The following EBF4 variants were observed in gnomAD, a reference collection of about 807,000 sequenced individuals.
The protein encoded by EBF4 is EBF transcription factor 4.
EBF4 carries 34 observed loss-of-function variants against 67.1 expected under a neutral mutation model. The ratio of observed to expected loss-of-function variants is 0.51; its 90% confidence interval spans 0.39 to 0.67. EBF4 has a LOEUF of 0.67. EBF4 is among the 30% of genes least tolerant of loss of function. EBF4 has a pLI of 0.00. For missense variants in EBF4, 837 were observed against 873.3 expected (o/e 0.96, Z 0.52); for synonymous variants, 387 against 377.7 (o/e 1.02, Z -0.29).
chr20:2,729,494 T>G (rs2087786349), intron 6 of EBF4, among the ~76,000 whole-genome samples: 1 of 152,198 alleles, frequency 6.6e-6, no homozygotes, highest in Non-Finnish European at 1.5e-5. Context: ...TGTCAACTTC[T>G]GCAAGCAGTC....
intron 6 of EBF4, among the ~76,000 whole-genome samples, chr20:2,717,689 TACAA>T (rs757885122): frequency 4.5e-4 from 69 of 152,236 alleles, no homozygotes; most frequent in Non-Finnish European, 6.0e-4. Context: ...AGCCATCTTA[TACAA>T]ACAAATACTG....
rs200337110 is a variant in EBF4 at position 2,708,033 on chromosome 20, T to A, written c.488+13T>A. On this transcript the variant is annotated intron_variant, in intron 5 of 16. Transcript: ENST00000609451. ...AGATCATGTGCAGGTGAGATGGCCA[T>A]GTCACTCACACCTCACCCCTCTGCC... is the stretch of plus-strand genomic sequence containing the variant. 5,885 of 1,602,610 alleles carry A rather than the reference T, an allele frequency of 3.7e-3. 20 individuals carry two copies. Among genetic ancestry groups the A allele is most frequent in the Non-Finnish European group, 4.6e-3 (5,415 of 1,173,706 alleles).
rs1041979263 is a variant in EBF4 at position 2,718,718 on chromosome 20, A to G, written c.557+9076A>G. Among the ~76,000 whole-genome samples, 6 of 152,290 alleles carry G rather than the reference A, an allele frequency of 3.9e-5. No individual in the cohort carries two copies. The East Asian group carries it at 5.8e-4, about 15-fold the overall frequency. On this transcript the variant is annotated intron_variant, in intron 6 of 16. Coordinates refer to ENST00000609451, the Ensembl canonical transcript of EBF4. ...GTTTATCCATTTTATTGAGCTTCTA[A>G]ACAAACCAGCTTTTGGTTTCATTGA...
chr20:2,748,619 C>T (rs748678555), exon 7 of EBF4: 4 of 1,551,526 alleles, frequency 2.6e-6, no homozygotes, highest in South Asian at 1.2e-5. Flanking sequence ...CAGAGACATG[C>T]GCCGCTTCCA....
At position 2,755,603 on chromosome 20, in the gene EBF4, GC is replaced by G; in HGVS notation, c.1541-20del. ...TCCCACCACCTTCCCTGCTGCGCCTGCCCCTCCCCGCCCCGCCCCGGAGTCA... is the reference window on the plus strand; with the variant it reads ...TCCCACCACCTTCCCTGCTGCGCCTGCCCTCCCCGCCCCGCCCCGGAGTCA... On this transcript the variant is annotated intron_variant, in intron 14 of 16. Transcript: ENST00000609451. The surrounding 1 kb of genome is among the most constrained non-coding windows in gnomAD (Gnocchi z 4.7). The G allele has an allele frequency of 9.3e-7, 1 of 1,077,726 alleles. No individual in the cohort carries two copies. Among genetic ancestry groups the G allele is most frequent in the Non-Finnish European group, 1.4e-6 (1 of 723,200 alleles). The allele number at this position is 1,077,726 out of a possible 1,614,324, so 66.8% of individuals were successfully genotyped here.
At chr20:2,752,801 G>A (rs1014825187) in intron 14 of EBF4, among the ~76,000 whole-genome samples, 5 of 152,244 alleles carry the variant, frequency 3.3e-5, no homozygotes, top group African/African-American at 1.2e-4. Context: ...TTGCCGGTCC[G>A]TTATGCACAT....
At chr20:2,711,348 TAGTC>T (rs1213785308) in intron 6 of EBF4, among the ~76,000 whole-genome samples, 2 of 152,198 alleles carry the variant, frequency 1.3e-5, no homozygotes, top group Non-Finnish European at 2.9e-5. Context: ...TTTATTTAAA[TAGTC>T]AGATATTGCT....
chr20:2,737,699 A>G (rs974915978), intron 6 of EBF4, among the ~76,000 whole-genome samples: 6 of 151,700 alleles, frequency 4.0e-5, no homozygotes, highest in Non-Finnish European at 7.4e-5. Flanking sequence ...GGCCGGGCGC[A>G]GTGGCTCACA....
chr20:2,693,798 G>A lies in EBF4; in HGVS notation c.137+16G>A, dbSNP rs2087247444. 3 of 1,275,732 alleles carry A rather than the reference G, an allele frequency of 2.4e-6. No individual in the cohort carries two copies. The highest frequency in any genetic ancestry group is 2.5e-5 in the South Asian group (1 of 40,140). The allele number at this position is 1,275,732 out of a possible 1,614,324, so 79.0% of individuals were successfully genotyped here. On this transcript the variant is annotated intron_variant, in intron 1 of 16. Coordinates refer to ENST00000609451, the Ensembl canonical transcript of EBF4. This position sits in a 1 kb window ranked among gnomAD's most constrained non-coding sequence, Gnocchi z 4.6. Reference sequence around the variant, plus strand: ...CGGCGCAGAGGTAAGCGCTCGGACCGGACCCGGTGCGCTCGGGTTGGACGG... The same window carrying A: ...CGGCGCAGAGGTAAGCGCTCGGACCAGACCCGGTGCGCTCGGGTTGGACGG...
rs1180240355 is a variant in EBF4 at position 2,755,265 on chromosome 20, T to C, written c.1541-362T>C. The C allele has an allele frequency of 3.7e-6, 1 of 267,658 alleles. No individual in the cohort carries two copies. Among genetic ancestry groups the C allele is most frequent in the South Asian group, 5.8e-5 (1 of 17,202 alleles). 16.6% of individuals were successfully genotyped at this position (267,658 alleles called of 1,614,324 possible). Reference sequence around the variant, plus strand: ...TGGCACCCCAAGCAAGGCTCATAAATGTTTCCTAGCATCTCAGAATCCCAG... The same window carrying C: ...TGGCACCCCAAGCAAGGCTCATAAACGTTTCCTAGCATCTCAGAATCCCAG... On this transcript the variant is annotated intron_variant, in intron 14 of 16. Coordinates refer to ENST00000609451, the Ensembl canonical transcript of EBF4. The surrounding 1 kb of genome is among the most constrained non-coding windows in gnomAD (Gnocchi z 4.7).
At chr20:2,758,844 G>T in intron 15 of EBF4, 65 bp from the exon 16 acceptor site, 1 of 1,405,516 alleles carries the variant, frequency 7.1e-7, no homozygotes, top group Non-Finnish European at 9.9e-7. Context: ...AGCCCAGAGA[G>T]TGACAGGCAG....
intron 1 of EBF4, among the ~76,000 whole-genome samples, chr20:2,698,395 C>A (rs2087326486): frequency 6.6e-6 from 1 of 152,258 alleles, no homozygotes; most frequent in Admixed American, 6.5e-5. Context: ...CTTTTATCTT[C>A]CCCAGTCTGC....
intron 15 of EBF4, among the ~76,000 whole-genome samples, chr20:2,758,328 G>A (rs866462126): frequency 6.6e-6 from 1 of 152,162 alleles, no homozygotes; most frequent in Non-Finnish European, 1.5e-5. Context: ...AATGCTCTAC[G>A]GTGGCTTTGA....
upstream of EBF4, among the ~76,000 whole-genome samples, chr20:2,693,357 T>C (rs1238933419): frequency 6.7e-6 from 1 of 150,324 alleles, no homozygotes; most frequent in Non-Finnish European, 1.5e-5. The surrounding 1 kb of genome is among the most constrained non-coding windows in gnomAD (Gnocchi z 4.6). Flanking sequence ...CGGGCTCCGC[T>C]CCCCGCCCTC....
intron 1 of EBF4, among the ~76,000 whole-genome samples, chr20:2,697,978 T>C (rs1600196167): frequency 6.6e-6 from 1 of 152,222 alleles, no homozygotes; most frequent in Non-Finnish European, 1.5e-5. Context: ...CTAGCATCCC[T>C]GCTAGGAAAT....
chr20:2,718,538 A>C (rs1311823348), intron 6 of EBF4, among the ~76,000 whole-genome samples: 1 of 152,164 alleles, frequency 6.6e-6, no homozygotes. Context: ...GAATTTGTCA[A>C]TTTCTTATGA....
chr20:2,711,755 C>T (rs1302519493), intron 6 of EBF4, among the ~76,000 whole-genome samples: 1 of 151,994 alleles, frequency 6.6e-6, no homozygotes, highest in African/African-American at 2.4e-5. Flanking sequence ...GGGAAATAGA[C>T]ATTAACAAAC....
chr20:2,744,486 TC>T (rs2088018658), intron 6 of EBF4, among the ~76,000 whole-genome samples: 2 of 97,772 alleles, frequency 2.0e-5, no homozygotes, highest in African/African-American at 6.0e-5. Flanking sequence ...TTTCTTTTTT[TC>T]TTTTCTTTTT....
chr20:2,703,878 C>T (rs2087412528), intron 1 of EBF4, among the ~76,000 whole-genome samples: 1 of 152,168 alleles, frequency 6.6e-6, no homozygotes, highest in Admixed American at 6.5e-5. Context: ...GGGCCGCAGT[C>T]GTCTGAAGGA....
Sources: gnomAD v4.1 joint callset for allele counts (sites outside exome capture counted in the v4.1 genomes callset) on GRCh38, gnomAD v4.1.1 for gene constraint, Gnocchi (gnomAD v3.1) non-coding constraint, MANE v1.5 for transcripts, NCBI Gene and HGNC (gene_info 2026-07-23, HGNC 2026-07-21) for gene names.